DCC: variants seen among roughly 807,000 people sequenced by gnomAD.
DCC encodes the protein netrin receptor DCC.
Under a neutral mutation model 172.5 loss-of-function variants are expected in DCC, and 58 were observed. The observed-to-expected ratio is 0.34, with a 90% confidence interval of 0.27 to 0.42. The LOEUF (loss-of-function observed/expected upper bound fraction) is 0.42, where lower values mean the gene tolerates loss of function less well. Among genes scored for constraint, DCC ranks in the 10% least tolerant of loss-of-function variants. The pLI, the probability that DCC is intolerant of heterozygous loss-of-function variation, is 1.00. For synonymous variants in DCC, 709 were observed against 644.5 expected (o/e 1.10, Z -1.52); for missense variants, 1,740 against 1,791.0 (o/e 0.97, Z 0.51).
At chr18:53,309,369 T>C (rs1353824461) in intron 13 of DCC, among the ~76,000 whole-genome samples, 2 of 152,136 alleles carry the variant, frequency 1.3e-5, no homozygotes, top group African/African-American at 4.8e-5. Flanking sequence ...ACATTAGAGA[T>C]AGAGCCCACT....
intron 19 of DCC, among the ~76,000 whole-genome samples, chr18:53,404,787 G>A (rs980509240): frequency 2.0e-5 from 3 of 151,250 alleles, no homozygotes; most frequent in Non-Finnish European, 3.0e-5. Context: ...ATTAATCTAA[G>A]CAATAAAATT....
intron 5 of DCC, among the ~76,000 whole-genome samples, chr18:53,043,136 C>T (rs542726976): frequency 2.0e-5 from 3 of 151,922 alleles, no homozygotes; most frequent in African/African-American, 4.8e-5. Flanking sequence ...ACTATGCCTC[C>T]GTAAAAAAGA....
chr18:53,111,721 C>T (rs1271225663), intron 7 of DCC, among the ~76,000 whole-genome samples: 6 of 151,646 alleles, frequency 4.0e-5, no homozygotes, highest in Non-Finnish European at 8.9e-5. Context: ...CCATCTTGTA[C>T]ATTTTCCCTG....
chr18:52,884,366 G>T (rs940507465), intron 2 of DCC, among the ~76,000 whole-genome samples: 1 of 150,608 alleles, frequency 6.6e-6, no homozygotes, highest in Non-Finnish European at 1.5e-5. Context: ...GATCTTGTAA[G>T]TGTGCTTCAT....
chr18:52,547,800 A>G (rs2032658775), intron 1 of DCC, among the ~76,000 whole-genome samples: 1 of 152,116 alleles, frequency 6.6e-6, no homozygotes, highest in Non-Finnish European at 1.5e-5. Context: ...TAGGACAATC[A>G]TCGGGACACA....
At chr18:52,474,465 A>G (rs773051362) in intron 1 of DCC, among the ~76,000 whole-genome samples, 1 of 152,188 alleles carries the variant, frequency 6.6e-6, no homozygotes, top group Non-Finnish European at 1.5e-5. Context: ...CAAGCCTGTC[A>G]GAGGCATCAG....
At chr18:52,811,574 T>A (rs2038200130) in intron 2 of DCC, among the ~76,000 whole-genome samples, 1 of 151,088 alleles carries the variant, frequency 6.6e-6, no homozygotes, top group Non-Finnish European at 1.5e-5. Context: ...ATACATTAAA[T>A]TGAGTAACTG....
In DCC at chr18:53,429,503, A is replaced by T. The variant is rs552913761; in HGVS notation, c.3164-5641A>T. Among the ~76,000 whole-genome samples, 3 of 152,138 alleles carry T rather than the reference A, an allele frequency of 2.0e-5. 1 individual carries two copies. The highest frequency in any genetic ancestry group is 7.2e-5 in the African/African-American group (3 of 41,530). On this transcript the variant is annotated intron_variant, in intron 21 of 28. Transcript: ENST00000442544. Reference sequence around the variant, plus strand: ...TTGAATTTGATTTCTAAGGATTTTTAAAAAATGAATTTACTTCTCAGGAAG... The same window carrying T: ...TTGAATTTGATTTCTAAGGATTTTTTAAAAATGAATTTACTTCTCAGGAAG...
chr18:52,900,442 T>C (rs912114645), intron 2 of DCC, among the ~76,000 whole-genome samples: 2 of 152,226 alleles, frequency 1.3e-5, no homozygotes, highest in African/African-American at 4.8e-5. Flanking sequence ...TCATAATGGC[T>C]CTATATCTCT....
intron 1 of DCC, among the ~76,000 whole-genome samples, chr18:52,381,632 G>T (rs1206601296): frequency 1.3e-5 from 2 of 152,056 alleles, no homozygotes; most frequent in African/African-American, 4.8e-5. Context: ...CACCACTGAG[G>T]GGGCTCCAGA....
chr18:53,383,476 A>C (rs1393910047), intron 15 of DCC, among the ~76,000 whole-genome samples: 1 of 149,516 alleles, frequency 6.7e-6, no homozygotes, highest in African/African-American at 2.5e-5. Flanking sequence ...CTTCAAATTG[A>C]CTACTGAACC....
intron 12 of DCC, among the ~76,000 whole-genome samples, chr18:53,285,701 C>A (rs2056927809): frequency 6.6e-6 from 1 of 152,158 alleles, no homozygotes; most frequent in Non-Finnish European, 1.5e-5. Flanking sequence ...ATGGTATAAC[C>A]ACTGACAGCT....
At chr18:53,512,400 G>T (rs1442513372) in intron 27 of DCC, among the ~76,000 whole-genome samples, 2 of 151,614 alleles carry the variant, frequency 1.3e-5, no homozygotes, top group African/African-American at 2.4e-5. Context: ...AAAAAGCAGA[G>T]CGCCTCTCCT....
chr18:52,916,481 A>G (rs2040043079), intron 3 of DCC, among the ~76,000 whole-genome samples: 1 of 152,222 alleles, frequency 6.6e-6, no homozygotes, highest in African/African-American at 2.4e-5. Flanking sequence ...GTAGCAAATG[A>G]GACTTTTTGC....
chr18:53,075,278 T>G (rs571708502), intron 7 of DCC, among the ~76,000 whole-genome samples: 1 of 152,180 alleles, frequency 6.6e-6, no homozygotes, highest in Non-Finnish European at 1.5e-5. Flanking sequence ...GCCAGTTTTA[T>G]GTAGGCAGAG....
intron 1 of DCC, among the ~76,000 whole-genome samples, chr18:52,620,409 CA>C: frequency 6.6e-6 from 1 of 152,244 alleles, no homozygotes; most frequent in Non-Finnish European, 1.5e-5. Context: ...CCATAACTAC[CA>C]AAGGATGATG....
At chr18:52,758,939 G>T (rs897943375) in intron 2 of DCC, 6 of 152,032 alleles carry the variant, frequency 3.9e-5, no homozygotes, top group Non-Finnish European at 7.4e-5. Context: ...TAGAGATATT[G>T]TTTATTTTCA....
intron 1 of DCC, among the ~76,000 whole-genome samples, chr18:52,671,929 T>A (rs2035561531): frequency 6.6e-6 from 1 of 152,144 alleles, no homozygotes; most frequent in South Asian, 2.1e-4. Flanking sequence ...TATTTTTATT[T>A]TCATGAATAA....
chr18:52,608,524 G>A (rs2034184868), intron 1 of DCC, among the ~76,000 whole-genome samples: 1 of 152,176 alleles, frequency 6.6e-6, no homozygotes, highest in Non-Finnish European at 1.5e-5. Flanking sequence ...TAGGCAGAGA[G>A]TATGGTGTGA....
Sources: gnomAD v4.1 joint callset for allele counts (sites outside exome capture counted in the v4.1 genomes callset) on GRCh38, gnomAD v4.1.1 for gene constraint, MANE v1.5 for transcripts, NCBI Gene and HGNC (gene_info 2026-07-23, HGNC 2026-07-21) for gene names.